NKAIN3: variants seen among roughly 807,000 people sequenced by gnomAD.
NKAIN3 encodes sodium/potassium transporting ATPase interacting 3.
NKAIN3 carries 25 observed loss-of-function variants against 30.2 expected under a neutral mutation model. The ratio of observed to expected loss-of-function variants is 0.83; its 90% CI spans 0.60 to 1.16. The LOEUF is 1.16. Ranked by LOEUF, NKAIN3 falls within the 50% of genes most tolerant of loss-of-function variation. The pLI, the probability that NKAIN3 is intolerant of heterozygous loss-of-function variation, is 0.00. For synonymous variants in NKAIN3, 91 were observed against 89.6 expected, an observed-to-expected ratio of 1.02 and a Z score of -0.09; for missense variants, 225 against 254.1, an observed-to-expected ratio of 0.89 and a Z score of 0.78.
intron 1 of NKAIN3, among the ~76,000 whole-genome samples, chr8:62,426,283 T>C (rs777156155): frequency 6.6e-6 from 1 of 151,984 alleles, no homozygotes; most frequent in Non-Finnish European, 1.5e-5. Flanking sequence ...ACAATGGGTA[T>C]TTTAAAGAAG....
chr8:62,760,070 A>C (rs1428432432), intron 4 of NKAIN3, among the ~76,000 whole-genome samples: 1 of 152,214 alleles, frequency 6.6e-6, no homozygotes, highest in African/African-American at 2.4e-5. Context: ...TCAAAACCAC[A>C]ATGAGATACC....
At chr8:62,264,615 G>A (rs182023998) in intron 1 of NKAIN3, among the ~76,000 whole-genome samples, 28 of 152,234 alleles carry the variant, frequency 1.8e-4, no homozygotes, top group African/African-American at 6.0e-4. Context: ...ATAATAAGAT[G>A]CAGTTGGAGT....
At chr8:62,511,478 G>A (rs1286874391) in intron 1 of NKAIN3, among the ~76,000 whole-genome samples, 1 of 152,082 alleles carries the variant, frequency 6.6e-6, no homozygotes, top group Non-Finnish European at 1.5e-5. Context: ...TCCAAATTGT[G>A]CTTTATGTGG....
At chr8:62,691,385 G>A (rs1813961780) in intron 3 of NKAIN3, among the ~76,000 whole-genome samples, 1 of 152,024 alleles carries the variant, frequency 6.6e-6, no homozygotes, top group South Asian at 2.1e-4. Context: ...TAGACAACAA[G>A]CAGAGCGGGG....
intron 1 of NKAIN3, among the ~76,000 whole-genome samples, chr8:62,520,612 T>A (rs1400142594): frequency 2.6e-5 from 4 of 152,182 alleles, no homozygotes; most frequent in Non-Finnish European, 4.4e-5. Flanking sequence ...ATTCACAAGC[T>A]CAAGTTGTTT....
chr8:62,410,820 T>C lies in NKAIN3; in HGVS notation c.54+161693T>C, dbSNP rs535665093. 4.6e-5 allele frequency among the ~76,000 whole-genome samples: 7 copies of C among 151,780 alleles called. No homozygotes were observed. The East Asian group carries it at 1.4e-3, about 30-fold the overall frequency. ...TCCCAAGACTGAAGAAGGAAGAGAT[T>C]AAAACCATGAATAGACCAATATCAA... On this transcript the variant is annotated intron_variant, in intron 1 of 6. Coordinates refer to ENST00000623646, the MANE Select transcript of NKAIN3 (RefSeq NM_001304533.3).
At chr8:62,933,555 A>G (rs570205454) in intron 5 of NKAIN3, among the ~76,000 whole-genome samples, 4 of 152,148 alleles carry the variant, frequency 2.6e-5, no homozygotes, top group Non-Finnish European at 5.9e-5. Context: ...TTGGACCATG[A>G]TTTTTTCTCT....
At chr8:62,886,482 T>C (rs1214525780) in intron 4 of NKAIN3, among the ~76,000 whole-genome samples, 1 of 152,140 alleles carries the variant, frequency 6.6e-6, no homozygotes, top group Non-Finnish European at 1.5e-5. Flanking sequence ...TTTATGTGGA[T>C]ACAAGTTTCT....
intron 4 of NKAIN3, among the ~76,000 whole-genome samples, chr8:62,771,317 C>A (rs1184649765): frequency 1.3e-5 from 2 of 148,994 alleles, no homozygotes; most frequent in Non-Finnish European, 3.0e-5. Context: ...AACAATGACT[C>A]AACAATAGAA....
chr8:62,327,662 G>A (rs1386578155), intron 1 of NKAIN3, among the ~76,000 whole-genome samples: 2 of 151,928 alleles, frequency 1.3e-5, no homozygotes, highest in Non-Finnish European at 2.9e-5. Context: ...CTGCTTTTAT[G>A]CCAAATGCAC....
At chr8:62,308,037 T>C (rs1814310877) in intron 1 of NKAIN3, among the ~76,000 whole-genome samples, 1 of 150,332 alleles carries the variant, frequency 6.7e-6, no homozygotes, top group Admixed American at 6.6e-5. Context: ...CAGGAGAACA[T>C]AGCATTATGT....
chr8:62,273,707 T>C (rs1445353090), intron 1 of NKAIN3, among the ~76,000 whole-genome samples: 4 of 152,240 alleles, frequency 2.6e-5, no homozygotes, highest in Non-Finnish European at 4.4e-5. Context: ...TTTACTTATG[T>C]ATTTTTGCAG....
At chr8:62,939,753 A>G (rs939948143) in intron 5 of NKAIN3, among the ~76,000 whole-genome samples, 8 of 152,172 alleles carry the variant, frequency 5.3e-5, no homozygotes, top group Non-Finnish European at 1.2e-4. Context: ...TGTTCAAAGG[A>G]GCTCTACATC....
At chr8:62,588,533 A>G (rs950705501) in intron 2 of NKAIN3, among the ~76,000 whole-genome samples, 1 of 151,824 alleles carries the variant, frequency 6.6e-6, no homozygotes, top group Non-Finnish European at 1.5e-5. Context: ...AAATGACAGA[A>G]TACAAAATAT....
intron 3 of NKAIN3, among the ~76,000 whole-genome samples, chr8:62,674,624 C>T (rs1035460027): frequency 2.0e-5 from 3 of 152,080 alleles, no homozygotes; most frequent in Non-Finnish European, 4.4e-5. Flanking sequence ...GTTTCTGGTG[C>T]CTGGCTATAA....
chr8:62,531,427 C>G (rs908912532), intron 1 of NKAIN3, among the ~76,000 whole-genome samples: 1 of 152,176 alleles, frequency 6.6e-6, no homozygotes, highest in Non-Finnish European at 1.5e-5. Flanking sequence ...TAGCCATTCC[C>G]TTTATTCTTA....
chr8:62,379,556 T>C (rs1817202990), intron 1 of NKAIN3, among the ~76,000 whole-genome samples: 1 of 152,208 alleles, frequency 6.6e-6, no homozygotes, highest in Admixed American at 6.5e-5. Context: ...ACCATGCTGT[T>C]CTCATAAGAG....
intron 3 of NKAIN3, among the ~76,000 whole-genome samples, chr8:62,593,395 G>A (rs1465044631): frequency 6.6e-6 from 1 of 151,890 alleles, no homozygotes; most frequent in East Asian, 1.9e-4. Flanking sequence ...TTTAGAGGAA[G>A]AAATGTAGAT....
At chr8:62,636,697 G>A (rs1213524753) in intron 3 of NKAIN3, among the ~76,000 whole-genome samples, 3 of 152,074 alleles carry the variant, frequency 2.0e-5, no homozygotes, top group Admixed American at 6.6e-5. Context: ...TTCTAGTCAG[G>A]AATTTCCTCA....
Sources: allele counts gnomAD v4.1 joint callset (sites outside exome capture counted in the v4.1 genomes callset), GRCh38; gene constraint gnomAD v4.1.1; transcripts MANE v1.5; gene names NCBI Gene and HGNC (gene_info 2026-07-23, HGNC 2026-07-21).